OSBPL9: variants seen among roughly 807,000 people sequenced by gnomAD.
The protein encoded by OSBPL9 is oxysterol-binding protein-related protein 9.
Under a neutral mutation model 106.6 loss-of-function variants are expected in OSBPL9, and 40 were observed. The observed-to-expected ratio is 0.38, with a 90% CI of 0.29 to 0.49. The LOEUF (loss-of-function observed/expected upper bound fraction) is 0.49, where lower values mean the gene tolerates loss of function less well. Among genes scored for constraint, OSBPL9 ranks in the 20% least tolerant of loss-of-function variants. The probability of loss-of-function intolerance (pLI) is 0.97; values close to 1 mark genes in which losing one functional copy is unlikely to be tolerated. For missense variants in OSBPL9, 609 were observed against 887.2 expected (o/e 0.69, Z 3.98); for synonymous variants, 269 against 295.4 (o/e 0.91, Z 0.92).
In OSBPL9 at chr1:51,732,608, C is replaced by T. The variant is rs187663025; in HGVS notation, c.319-12928C>T. On this transcript the variant is annotated intron_variant, in intron 4 of 23. Transcript: ENST00000428468. ...AGTCACCAGGTCCTGTTATGTTTGCCTTAGTAATATTTTTCAGATTCGTCA... is the reference window on the plus strand; with the variant it reads ...AGTCACCAGGTCCTGTTATGTTTGCTTTAGTAATATTTTTCAGATTCGTCA... Among the ~76,000 whole-genome samples, 390 of 152,184 alleles carry T rather than the reference C, an allele frequency of 2.6e-3. 2 individuals carry two copies. The highest frequency in any genetic ancestry group is 4.2e-3 in the Non-Finnish European group (285 of 67,998).
intron 4 of OSBPL9, among the ~76,000 whole-genome samples, chr1:51,725,565 G>A (rs1018677783): frequency 1.3e-5 from 2 of 152,188 alleles, no homozygotes; most frequent in African/African-American, 4.8e-5. Context: ...TAATGTGGTG[G>A]TAAGGTGTGC....
chr1:51,608,329 G>C lies in OSBPL9; in HGVS notation c.-352-5976G>C, dbSNP rs1643962409. 2.6e-5 allele frequency among the ~76,000 whole-genome samples: 4 copies of C among 152,194 alleles called. No homozygotes were observed. The South Asian group carries it at 8.3e-4, about 32-fold the overall frequency. On this transcript the variant is annotated intron_variant, in intron 2 of 25. Coordinates refer to the OSBPL9 transcript ENST00000371714. The stretch of plus-strand genomic sequence containing the variant: ...ATTTTTTGAGACGGAGTCTCACTCT[G>C]TCACCCAGACTAGAGTGCAGTGGTG...
chr1:51,746,151 C>T (rs1667933762), intron 5 of OSBPL9, among the ~76,000 whole-genome samples: 1 of 152,152 alleles, frequency 6.6e-6, no homozygotes, highest in African/African-American at 2.4e-5. Flanking sequence ...GCCATATTGG[C>T]CAGGCTGGTC....
At chr1:51,715,432 T>C (rs1330871948) in intron 4 of OSBPL9, among the ~76,000 whole-genome samples, 1 of 152,182 alleles carries the variant, frequency 6.6e-6, no homozygotes, top group Non-Finnish European at 1.5e-5. Context: ...GTTTTTTGTT[T>C]GTTTGTTTGT....
upstream of OSBPL9, chr1:51,574,154 A>G (rs74386434): frequency 3.1e-3 from 468 of 152,358 alleles, no homozygotes; most frequent in African/African-American, 0.011. Context: ...GATGACTCTG[A>G]TATTCCTGAA....
chr1:51,761,827 G>A (rs1278859583), intron 10 of OSBPL9, 40 bp from the exon 11 acceptor site: 1 of 1,424,644 alleles, frequency 7.0e-7, no homozygotes, highest in African/African-American at 1.4e-5. Context: ...TGTGTGTTTG[G>A]CTGTTTCTGT....
intron 1 of OSBPL9, among the ~76,000 whole-genome samples, chr1:51,626,477 T>C (rs1644774025): frequency 1.3e-5 from 2 of 152,110 alleles, no homozygotes; most frequent in African/African-American, 2.4e-5. Context: ...GTAATCATTT[T>C]ATACAGACAT....
intron 4 of OSBPL9, chr1:51,730,081 GC>G (rs1221190921): frequency 4.7e-6 from 6 of 1,265,784 alleles, no homozygotes; most frequent in Non-Finnish European, 6.0e-6. Context: ...AGGCCGGAGC[GC>G]GAATGTCGTG....
chr1:51,737,558 G>A (rs975041498), intron 4 of OSBPL9, among the ~76,000 whole-genome samples: 7 of 151,172 alleles, frequency 4.6e-5, no homozygotes, highest in African/African-American at 1.7e-4. Flanking sequence ...GTGTGTGTGT[G>A]TGTGTGTGTG....
At chr1:51,747,680 C>T (rs1668311228) in intron 6 of OSBPL9, among the ~76,000 whole-genome samples, 1 of 150,896 alleles carries the variant, frequency 6.6e-6, no homozygotes, top group South Asian at 2.1e-4. Flanking sequence ...GGATTTAGTC[C>T]CATGTCGTTT....
At chr1:51,762,432 G>A (rs1671721650) in intron 11 of OSBPL9, among the ~76,000 whole-genome samples, 1 of 151,944 alleles carries the variant, frequency 6.6e-6, no homozygotes, top group South Asian at 2.1e-4. Context: ...CAGTGTGCTG[G>A]GATTATACAA....
At position 51,617,303 on chromosome 1, in the gene OSBPL9, C is replaced by G. The variant is rs1644105373; in HGVS notation, c.111+82C>G. On this transcript the variant is annotated intron_variant, in intron 1 of 23. Coordinates refer to ENST00000428468, the MANE Select transcript of OSBPL9 (RefSeq NM_024586.6). ...GGTGGGGGACCGGGGTTTTAGGTGGCTGAGTTGAGGTTGCTAGTCTGGGGG... is the reference window on the plus strand; with the variant it reads ...GGTGGGGGACCGGGGTTTTAGGTGGGTGAGTTGAGGTTGCTAGTCTGGGGG... 5.7e-6 allele frequency: 8 copies of G among 1,406,418 alleles called. No homozygotes were observed. The Admixed American group carries it at 1.6e-4, about 28-fold the overall frequency. 87.1% of individuals were successfully genotyped at this position (1,406,418 alleles called of 1,614,324 possible).
chr1:51,737,545 GGTGTGTGTGTGT>G (rs57886494), intron 4 of OSBPL9, among the ~76,000 whole-genome samples: 34 of 142,532 alleles, frequency 2.4e-4, no homozygotes, highest in South Asian at 6.9e-4. Context: ...ATATTTCAGG[GGTGTGTGTGTGT>G]GTGTGTGTGT....
At chr1:51,703,511 G>C (rs1657771946) in intron 3 of OSBPL9, among the ~76,000 whole-genome samples, 1 of 152,218 alleles carries the variant, frequency 6.6e-6, no homozygotes, top group African/African-American at 2.4e-5. Context: ...AGACTTTGCT[G>C]AAGTTGCTTA....
Position 51,782,190 on chromosome 1 carries a change from C to T in OSBPL9, c.1429-369C>T, listed in dbSNP as rs77612021. Among the ~76,000 whole-genome samples, 1,517 of 152,282 alleles carry T rather than the reference C, an allele frequency of 1.0e-2. 15 individuals are homozygous for T. The highest frequency in any genetic ancestry group is 0.033 in the African/African-American group (1,374 of 41,538). ...AAAACAAAACCATAGCCCACAGCACCTGACACATAATAATCTGTCAGTAAA... is the reference window on the plus strand; with the variant it reads ...AAAACAAAACCATAGCCCACAGCACTTGACACATAATAATCTGTCAGTAAA... On this transcript the variant is annotated intron_variant, in intron 16 of 23. Coordinates refer to ENST00000428468, the MANE Select transcript of OSBPL9 (RefSeq NM_024586.6).
At chr1:51,771,631 T>A (rs539611437) in intron 12 of OSBPL9, among the ~76,000 whole-genome samples, 2 of 152,310 alleles carry the variant, frequency 1.3e-5, no homozygotes, top group African/African-American at 4.8e-5. Flanking sequence ...ATAAATAAGA[T>A]GTTTTTTTAT....
intron 2 of OSBPL9, among the ~76,000 whole-genome samples, chr1:51,600,747 C>T (rs900569637): frequency 6.6e-6 from 1 of 152,172 alleles, no homozygotes; most frequent in Non-Finnish European, 1.5e-5. Context: ...AGTTGCATAA[C>T]ATCAGAAACC....
At chr1:51,708,944 A>G (rs1659211677) in intron 3 of OSBPL9, 1 of 152,164 alleles carries the variant, frequency 6.6e-6, no homozygotes, top group Admixed American at 6.5e-5. Context: ...TGTATATACA[A>G]TCTATATGCA....
chr1:51,578,199 A>G (rs1645197749), intron 1 of OSBPL9, among the ~76,000 whole-genome samples: 1 of 152,220 alleles, frequency 6.6e-6, no homozygotes, highest in Non-Finnish European at 1.5e-5. Flanking sequence ...TTACTAATGG[A>G]TTGACTCTTT....
Sources: allele counts gnomAD v4.1 joint callset (sites outside exome capture counted in the v4.1 genomes callset), GRCh38; gene constraint gnomAD v4.1.1; transcripts MANE v1.5; gene names NCBI Gene and HGNC (gene_info 2026-07-23, HGNC 2026-07-21).